LPCAT1: variants seen among roughly 807,000 people sequenced by gnomAD.
LPCAT1 encodes lysophosphatidylcholine acyltransferase 1, also known as 1-acylglycerol-3-phosphate O-acyltransferase.
A neutral mutation model predicts 60.9 loss-of-function variants in LPCAT1; 23 were observed. That is an observed-to-expected ratio of 0.38 (90% CI 0.27 to 0.53). LPCAT1 has a LOEUF of 0.53. Among genes scored for constraint, LPCAT1 ranks in the 20% least tolerant of loss-of-function variants. LPCAT1 has a pLI of 0.82. For missense variants in LPCAT1, 622 were observed against 723.6 expected, an observed-to-expected ratio of 0.86 and a Z score of 1.61; for synonymous variants, 340 against 301.1, an observed-to-expected ratio of 1.13 and a Z score of -1.34.
At chr5:1,489,182 A>T (rs1013364371) in intron 4 of LPCAT1, among the ~76,000 whole-genome samples, 4 of 152,244 alleles carry the variant, frequency 2.6e-5, no homozygotes, top group African/African-American at 9.6e-5. Flanking sequence ...TGGAAGTCAC[A>T]GCCCTCTAAG....
rs1368567259 is a variant in LPCAT1 at position 1,480,513 on chromosome 5, C to T, written c.761+429G>A. 12 of 283,348 alleles carry T rather than the reference C, an allele frequency of 4.2e-5. No homozygotes were observed. The highest frequency in any genetic ancestry group is 1.7e-3 in the Middle Eastern group (1 of 590). 17.6% of individuals were successfully genotyped at this position (283,348 alleles called of 1,614,324 possible). ...TGTTCATTGTTGCATAACTGACCTTCGGTGTCTCTGCTGGGGGGACAGGGA... is the reference window on the plus strand; with the variant it reads ...TGTTCATTGTTGCATAACTGACCTTTGGTGTCTCTGCTGGGGGGACAGGGA... On this transcript the variant is annotated intron_variant, in intron 7 of 13. Coordinates refer to ENST00000283415, the MANE Select transcript of LPCAT1 (RefSeq NM_024830.5). The surrounding 1 kb of genome is among the most constrained non-coding windows in gnomAD (Gnocchi z 6.4).
rs578049529 is a variant in LPCAT1, at chr5:1,480,475, G to A, written c.761+467C>T. 8 of 565,750 alleles carry A rather than the reference G, an allele frequency of 1.4e-5. No individual in the cohort carries two copies. Among genetic ancestry groups the A allele is most frequent in the East Asian group, 2.9e-4 (2 of 6,950 alleles). The allele number at this position is 565,750 out of a possible 1,614,324, so 35.0% of individuals were successfully genotyped here. Reference sequence around the variant, plus strand: ...GGCTTCTCCTCTGGGGCTCGTTCCCGTTTCCGTGGGGTTGTTCATTGTTGC... The same window carrying A: ...GGCTTCTCCTCTGGGGCTCGTTCCCATTTCCGTGGGGTTGTTCATTGTTGC... On this transcript the variant is annotated intron_variant, in intron 7 of 13. Coordinates refer to ENST00000283415, the MANE Select transcript of LPCAT1 (RefSeq NM_024830.5). The surrounding 1 kb of genome is among the most constrained non-coding windows in gnomAD (Gnocchi z 6.4).
At chr5:1,484,511 AG>A (rs1333218538) in intron 5 of LPCAT1, among the ~76,000 whole-genome samples, 2 of 152,212 alleles carry the variant, frequency 1.3e-5, no homozygotes, top group Non-Finnish European at 2.9e-5. Context: ...ATCCCCAGGC[AG>A]CGCGTTCCTC....
In LPCAT1 at chr5:1,523,722, C is replaced by T; in HGVS notation, c.123G>A (p.Leu41=). The T allele has an allele frequency of 8.6e-7, 1 of 1,159,560 alleles. No homozygotes were observed. 71.8% of individuals were successfully genotyped at this position (1,159,560 alleles called of 1,614,324 possible). ...PFVHELRLSA[L]QKAQVALMTL... is the part of the protein sequence containing the mutation. ...CCTGGGCACCCACCTGGGCCTTCTG[C>T]AGGGCGCTGAGGCGCAGCTCGTGCA... Residue 41 remains leucine, a synonymous_variant, in exon 1 of 14, where the codon CTG becomes CTA. Transcript: ENST00000283415. The surrounding 1 kb of genome is among the most constrained non-coding windows in gnomAD (Gnocchi z 7.1).
intron 1 of LPCAT1, among the ~76,000 whole-genome samples, chr5:1,505,550 G>A (rs1736155933): frequency 2.5e-5 from 2 of 79,260 alleles, no homozygotes; most frequent in African/African-American, 8.1e-5. Context: ...GGGAGGCCCC[G>A]CCTGCATGCC....
Position 1,477,693 on chromosome 5 carries a change from C to G in LPCAT1, c.817-207G>C, listed in dbSNP as rs1451760944. ...GCACACGTGTGCACCTGAACACTCA[C>G]CCTCATTGGTGCTCCCTGGGAGCAC... is the stretch of plus-strand genomic sequence containing the variant. On this transcript the variant is annotated intron_variant, in intron 8 of 13. Transcript: ENST00000283415. The surrounding 1 kb of genome is among the most constrained non-coding windows in gnomAD (Gnocchi z 6.0). Among the ~76,000 whole-genome samples, 1 of 152,214 alleles carries G rather than the reference C, an allele frequency of 6.6e-6. No homozygotes were observed.
At chr5:1,512,204 A>G (rs1477624996) in intron 1 of LPCAT1, among the ~76,000 whole-genome samples, 1 of 152,210 alleles carries the variant, frequency 6.6e-6, no homozygotes, top group Admixed American at 6.5e-5. Flanking sequence ...CGGCCCCGTG[A>G]GTCGCAGTGG....
chr5:1,463,911 G>C, intron 13 of LPCAT1, 76 bp from the exon 14 acceptor site: 1 of 1,477,536 alleles, frequency 6.8e-7, no homozygotes, highest in Non-Finnish European at 9.3e-7. Context: ...CTTTTCCCAC[G>C]GCCCTGGTGG....
intron 5 of LPCAT1, among the ~76,000 whole-genome samples, chr5:1,488,179 C>T (rs182583788): frequency 4.7e-4 from 72 of 152,288 alleles, no homozygotes; most frequent in South Asian, 8.3e-4. Context: ...GCCCTGAAAC[C>T]GTAACTTCTC....
intron 2 of LPCAT1, 53 bp from the exon 3 acceptor site, chr5:1,494,967 T>C (rs1304707880): frequency 6.7e-7 from 1 of 1,501,252 alleles, no homozygotes; most frequent in Non-Finnish European, 9.0e-7. Context: ...TCTCGGAGTC[T>C]GTGTGAGGCA....
In LPCAT1 at chr5:1,523,721, G is replaced by A; in HGVS notation, c.124C>T (p.Gln42Ter). Residue 42 changes from glutamine (Q) to a stop codon, truncating the protein, a stop_gained, in exon 1 of 14, where the codon CAG becomes TAG. Transcript: ENST00000283415. LOFTEE classifies it high-confidence loss of function. The surrounding 1 kb of genome is among the most constrained non-coding windows in gnomAD (Gnocchi z 7.1). The part of the protein sequence containing the change: ...FVHELRLSAL[Q>*]KAQVALMTLT... ...CCCTGGGCACCCACCTGGGCCTTCT[G>A]CAGGGCGCTGAGGCGCAGCTCGTGC... 8.6e-7 allele frequency: 1 copy of A among 1,159,030 alleles called. No homozygotes were observed. Among genetic ancestry groups the A allele is most frequent in the Non-Finnish European group, 1.1e-6 (1 of 935,906 alleles). 71.8% of individuals were successfully genotyped at this position (1,159,030 alleles called of 1,614,324 possible). A position where few individuals can be genotyped will look rare whatever the true frequency, so the allele number is the denominator to read the frequency against.
At chr5:1,493,431 A>G (rs916625153) in intron 3 of LPCAT1, among the ~76,000 whole-genome samples, 1 of 152,226 alleles carries the variant, frequency 6.6e-6, no homozygotes, top group Non-Finnish European at 1.5e-5. Context: ...GTGTCCCCCC[A>G]GATATTTTCT....
intron 1 of LPCAT1, among the ~76,000 whole-genome samples, chr5:1,513,225 C>T (rs938056068): frequency 1.3e-5 from 2 of 152,314 alleles, no homozygotes; most frequent in African/African-American, 4.8e-5. Flanking sequence ...CCTCCTCACC[C>T]GCAAAGCTCT....
At chr5:1,464,973 C>A (rs1048438963) in intron 13 of LPCAT1, among the ~76,000 whole-genome samples, 2 of 151,506 alleles carry the variant, frequency 1.3e-5, no homozygotes, top group African/African-American at 2.4e-5. Context: ...CATGCACGCA[C>A]ACATACAAAA....
rs370841534 is a variant in LPCAT1 at position 1,474,760 on chromosome 5, C to T, written c.900-75G>A. 77 of 1,541,126 alleles carry T rather than the reference C, an allele frequency of 5.0e-5. No individual in the cohort carries two copies. The African/African-American group carries it at 7.2e-4, about 14-fold the overall frequency. On this transcript the variant is annotated intron_variant, in intron 9 of 13. Transcript: ENST00000283415. ...CCCACCGCCCCACCAGAATAACCGC[C>T]GATGGCTCAGGGGAGAGGAGGGCTG... is the stretch of plus-strand genomic sequence containing the variant.
Position 1,464,884 on chromosome 5 carries a change from C to A in LPCAT1, c.1421-1049G>T, listed in dbSNP as rs542052594. On this transcript the variant is annotated intron_variant, in intron 13 of 13. Coordinates refer to ENST00000283415, the MANE Select transcript of LPCAT1 (RefSeq NM_024830.5). ...GTAAACACATGCGTGTACACACAAA[C>A]AAGTGCACACACACACTAACTAAAC... 5.7e-4 allele frequency among the ~76,000 whole-genome samples: 66 copies of A among 115,884 alleles called. 3 individuals carry two copies. The East Asian group carries it at 0.014, about 25-fold the overall frequency. 76.0% of individuals were successfully genotyped at this position (115,884 alleles called of 152,430 possible).
rs150361362 is a variant in LPCAT1, at chr5:1,483,982, C to T, written c.668-496G>A. On this transcript the variant is annotated intron_variant, in intron 5 of 13. Coordinates refer to ENST00000283415, the MANE Select transcript of LPCAT1 (RefSeq NM_024830.5). This position sits in a 1 kb window ranked among gnomAD's most constrained non-coding sequence, Gnocchi z 9.2. ...GGTGGGAAGTGGGGGTCCTCATCAC[C>T]GGCCAATGCTCACCCACCTGACGGG... is the stretch of plus-strand genomic sequence containing the variant. 6.6e-5 allele frequency among the ~76,000 whole-genome samples: 10 copies of T among 152,382 alleles called. No individual in the cohort carries two copies. The highest frequency in any genetic ancestry group is 1.9e-4 in the East Asian group (1 of 5,192).
At chr5:1,473,822 G>A (rs1305516546) in intron 11 of LPCAT1, 135 bp downstream of exon 11, 2 of 952,678 alleles carry the variant, frequency 2.1e-6, no homozygotes, top group Non-Finnish European at 3.1e-6. Flanking sequence ...TGATAGGGTG[G>A]GGTGGTGATG....
rs183447243 is a variant in LPCAT1 at position 1,484,384 on chromosome 5, T to C, written c.668-898A>G. ...ATTTTAAATTCTATTTAAATCTCTA[T>C]TGAAAGAGTTTTTTTTTAACTGGAA... On this transcript the variant is annotated intron_variant, in intron 5 of 13. Coordinates refer to ENST00000283415, the MANE Select transcript of LPCAT1 (RefSeq NM_024830.5). Among the ~76,000 whole-genome samples, 149 of 152,334 alleles carry C rather than the reference T, an allele frequency of 9.8e-4. 1 individual carries two copies. The highest frequency in any genetic ancestry group is 1.6e-3 in the Non-Finnish European group (111 of 68,028).
Sources: gnomAD v4.1 joint callset for allele counts (sites outside exome capture counted in the v4.1 genomes callset) on GRCh38, gnomAD v4.1.1 for gene constraint, Gnocchi (gnomAD v3.1) non-coding constraint, MANE v1.5 for transcripts, NCBI Gene and HGNC (gene_info 2026-07-23, HGNC 2026-07-21) for gene names.